The following KCTD16 variants were observed in gnomAD, a reference collection of about 807,000 sequenced individuals.
The protein encoded by KCTD16 is BTB/POZ domain-containing protein KCTD16.
A neutral mutation model predicts 33.2 loss-of-function variants in KCTD16; 13 were observed. The observed-to-expected ratio is 0.39, with a 90% CI of 0.25 to 0.62. KCTD16 has a LOEUF of 0.62. Ranked by LOEUF, KCTD16 falls within the 20% of genes least tolerant of loss-of-function variation. KCTD16 has a pLI of 0.50. For synonymous variants in KCTD16, 197 were observed against 195.3 expected (o/e 1.01, Z -0.07); for missense variants, 441 against 525.1 (o/e 0.84, Z 1.57).
At chr5:144,448,203 T>G (rs1753863422) in intron 3 of KCTD16, among the ~76,000 whole-genome samples, 1 of 152,144 alleles carries the variant, frequency 6.6e-6, no homozygotes, top group African/African-American at 2.4e-5. Flanking sequence ...TCCAAATGAC[T>G]ATTCACCTGA....
At chr5:144,327,095 A>G (rs527752774) in intron 3 of KCTD16, among the ~76,000 whole-genome samples, 1 of 152,292 alleles carries the variant, frequency 6.6e-6, no homozygotes, top group South Asian at 2.1e-4. Flanking sequence ...CTATGGTGGC[A>G]ATGTTGGCAA....
chr5:144,239,508 G>A (rs961057540), intron 3 of KCTD16, among the ~76,000 whole-genome samples: 5 of 151,916 alleles, frequency 3.3e-5, no homozygotes, highest in Non-Finnish European at 7.4e-5. Context: ...TTCTTCAAAG[G>A]GCTTTTAATT....
chr5:144,314,285 AT>A (rs1245988976), intron 3 of KCTD16, among the ~76,000 whole-genome samples: 1 of 152,174 alleles, frequency 6.6e-6, no homozygotes, highest in Non-Finnish European at 1.5e-5. Context: ...ACTGAGAGAT[AT>A]GAATTCCTTG....
rs1313902356 is a variant in KCTD16 at position 144,174,322 on chromosome 5, A to T, written c.-477A>T. 2 of 152,180 alleles carry T rather than the reference A, an allele frequency of 1.3e-5. No individual in the cohort carries two copies. Among genetic ancestry groups the T allele is most frequent in the Non-Finnish European group, 2.9e-5 (2 of 68,028 alleles). 9.4% of individuals were successfully genotyped at this position (152,180 alleles called of 1,614,324 possible). On this transcript the variant is annotated 5_prime_UTR_variant, in exon 2 of 4. Transcript: ENST00000512467. ...TGTTTTTCAGTTCATATGTCATGAA[A>T]AGTTGTGCCAGAAAATTATGGTTTG...
At chr5:144,359,211 C>G (rs1433161196) in intron 3 of KCTD16, among the ~76,000 whole-genome samples, 1 of 152,160 alleles carries the variant, frequency 6.6e-6, no homozygotes, top group Non-Finnish European at 1.5e-5. Context: ...AATGGAACAG[C>G]CTCCCAGAAT....
chr5:144,336,164 T>G (rs1429338236), intron 3 of KCTD16, among the ~76,000 whole-genome samples: 1 of 152,168 alleles, frequency 6.6e-6, no homozygotes, highest in Non-Finnish European at 1.5e-5. Flanking sequence ...TGCTACAAAA[T>G]CTGTTCCTGA....
At chr5:144,262,241 G>T (rs1361154416) in intron 3 of KCTD16, among the ~76,000 whole-genome samples, 2 of 152,136 alleles carry the variant, frequency 1.3e-5, no homozygotes, top group African/African-American at 4.8e-5. Context: ...GAATGCTCCA[G>T]GCAGAGGGAA....
intron 2 of KCTD16, among the ~76,000 whole-genome samples, chr5:144,180,354 T>C (rs1167256382): frequency 2.6e-5 from 4 of 152,140 alleles, no homozygotes; most frequent in East Asian, 1.9e-4. Context: ...GAAGCACTCA[T>C]TTAATCCCCT....
intron 3 of KCTD16, among the ~76,000 whole-genome samples, chr5:144,281,221 T>A (rs1755600392): frequency 6.6e-6 from 1 of 152,236 alleles, no homozygotes; most frequent in Non-Finnish European, 1.5e-5. Flanking sequence ...TATTATTTAC[T>A]TCCTACTAAT....
intron 3 of KCTD16, among the ~76,000 whole-genome samples, chr5:144,419,372 A>C (rs1753158530): frequency 6.6e-6 from 1 of 152,170 alleles, no homozygotes; most frequent in Non-Finnish European, 1.5e-5. Context: ...CAAAACAAAA[A>C]TGCATAAGAA....
rs560241082 is a variant in KCTD16 at position 144,253,732 on chromosome 5, C to T, written c.832+46186C>T. ...ACTTAAAAGAAGCATTTTTCCTCTC[C>T]TGAAGTGTGTCTTTTATTACAAATT... On this transcript the variant is annotated intron_variant, in intron 3 of 3. Transcript: ENST00000512467. Among the ~76,000 whole-genome samples, 27 of 152,098 alleles carry T rather than the reference C, an allele frequency of 1.8e-4. No individual in the cohort carries two copies. In the South Asian group the frequency reaches 4.6e-3, roughly 26 times the overall value.
chr5:144,324,506 A>G (rs971965704), intron 3 of KCTD16, among the ~76,000 whole-genome samples: 9 of 152,206 alleles, frequency 5.9e-5, no homozygotes, highest in Non-Finnish European at 1.2e-4. Flanking sequence ...ACCATTGTGG[A>G]AGGCAGTGTG....
In KCTD16 at chr5:144,420,824, A is replaced by C. The variant is rs568099461; in HGVS notation, c.833-52836A>C. On this transcript the variant is annotated intron_variant, in intron 3 of 3. Coordinates refer to ENST00000512467, the MANE Select transcript of KCTD16 (RefSeq NM_020768.4). ...TATCAAAGGAGAGAGACTGGGGCAA[A>C]AATCGCTGCCTTGTGCTCACAGATA... 2.3e-4 allele frequency among the ~76,000 whole-genome samples: 35 copies of C among 152,260 alleles called. No individual in the cohort carries two copies. In the South Asian group the frequency reaches 2.5e-3, roughly 11 times the overall value.
chr5:144,176,789 A>G (rs1440285894), intron 2 of KCTD16, among the ~76,000 whole-genome samples: 1 of 152,182 alleles, frequency 6.6e-6, no homozygotes, highest in Non-Finnish European at 1.5e-5. Context: ...CAAGCGTGAT[A>G]TATTATGGTT....
At chr5:144,283,032 G>A (rs779497304) in intron 3 of KCTD16, among the ~76,000 whole-genome samples, 2 of 152,084 alleles carry the variant, frequency 1.3e-5, no homozygotes, top group African/African-American at 2.4e-5. Flanking sequence ...GAAAGAGGGG[G>A]AATTGGATTT....
intron 3 of KCTD16, among the ~76,000 whole-genome samples, chr5:144,242,326 A>C (rs1314764256): frequency 6.6e-6 from 1 of 152,046 alleles, no homozygotes; most frequent in Non-Finnish European, 1.5e-5. Context: ...AATGATAAGC[A>C]TTTCACCATA....
intron 3 of KCTD16, among the ~76,000 whole-genome samples, chr5:144,339,118 T>TA (rs1752565203): frequency 6.6e-6 from 1 of 152,196 alleles, no homozygotes; most frequent in Non-Finnish European, 1.5e-5. Context: ...CATCACCTAT[T>TA]ATTTATCAAG....
At chr5:144,212,584 C>T (rs1753431121) in intron 3 of KCTD16, among the ~76,000 whole-genome samples, 2 of 152,124 alleles carry the variant, frequency 1.3e-5, no homozygotes, top group Admixed American at 1.3e-4. Context: ...CCACAAAGCT[C>T]CATCTGGAAC....
chr5:144,287,783 G>A (rs1014403117), intron 3 of KCTD16, among the ~76,000 whole-genome samples: 4 of 151,760 alleles, frequency 2.6e-5, no homozygotes, highest in African/African-American at 9.7e-5. Context: ...TTAGAGGCTC[G>A]CACGACCTCA....
Sources: gnomAD v4.1 joint callset for allele counts (sites outside exome capture counted in the v4.1 genomes callset) on GRCh38, gnomAD v4.1.1 for gene constraint, MANE v1.5 for transcripts, NCBI Gene and HGNC (gene_info 2026-07-23, HGNC 2026-07-21) for gene names.